AGBL1: variants seen among roughly 807,000 people sequenced by gnomAD.
The protein encoded by AGBL1 is AGBL carboxypeptidase 1.
A neutral mutation model predicts 118.9 loss-of-function variants in AGBL1; 130 were observed. That is an observed-to-expected ratio of 1.09 (90% CI 0.95 to 1.26). AGBL1 has a LOEUF of 1.26. Ranked by LOEUF, AGBL1 falls within the 50% of genes most tolerant of loss-of-function variation. AGBL1 has a pLI of 0.00. For missense variants in AGBL1, 1,584 were observed against 1,298.1 expected, an observed-to-expected ratio of 1.22 and a Z score of -3.38; for synonymous variants, 555 against 478.9, an observed-to-expected ratio of 1.16 and a Z score of -2.08.
At chr15:86,585,516 G>A (rs768790555) in intron 21 of AGBL1, among the ~76,000 whole-genome samples, 10 of 151,990 alleles carry the variant, frequency 6.6e-5, no homozygotes, top group Non-Finnish European at 1.3e-4. Context: ...TGTGTGCCAC[G>A]ATGCCCAGCT....
intron 17 of AGBL1, chr15:86,316,686 G>A (rs2080017252): frequency 6.6e-6 from 1 of 152,214 alleles, no homozygotes; most frequent in African/African-American, 2.4e-5. Context: ...GGGAAAAATG[G>A]GTCAGAGGGT....
chr15:86,344,980 A>G (rs1908792), intron 17 of AGBL1, among the ~76,000 whole-genome samples: 115,096 of 152,004 alleles, frequency 0.76, 44,288 homozygotes, highest in Non-Finnish European at 0.79. Flanking sequence ...TAATTTTCCT[A>G]CAATTAATTA....
rs114663011 is a variant in AGBL1, at chr15:86,787,864, T to A, written c.3158+113428T>A. 9.0e-3 allele frequency among the ~76,000 whole-genome samples: 1,365 copies of A among 152,344 alleles called. 22 individuals carry two copies. Among genetic ancestry groups the A allele is most frequent in the African/African-American group, 0.031 (1,289 of 41,574 alleles). ...GTTTTATCAATACTTACATCTTTTT[T>A]TTCTTCTTTGAATTTTTGATTTTTT... is the stretch of plus-strand genomic sequence containing the variant. On this transcript the variant is annotated intron_variant, in intron 22 of 22. Coordinates refer to ENST00000614907, the MANE Select transcript of AGBL1 (RefSeq NM_001386094.1).
intron 18 of AGBL1, among the ~76,000 whole-genome samples, chr15:86,453,172 G>C (rs1030380488): frequency 7.2e-5 from 11 of 152,162 alleles, no homozygotes; most frequent in Non-Finnish European, 1.6e-4. Flanking sequence ...GTACACAGTA[G>C]GCACTCAATT....
chr15:86,293,437 A>C (rs1054324192), intron 16 of AGBL1, among the ~76,000 whole-genome samples: 22 of 152,168 alleles, frequency 1.4e-4, no homozygotes, highest in Admixed American at 2.6e-4. Flanking sequence ...CTTCAAAGCC[A>C]GCAAGGGAAG....
intron 22 of AGBL1, among the ~76,000 whole-genome samples, chr15:86,776,267 CT>C (rs772278450): frequency 6.6e-6 from 1 of 152,092 alleles, no homozygotes; most frequent in Non-Finnish European, 1.5e-5. Context: ...TATAAAAGTT[CT>C]CTATGTCAGC....
chr15:86,257,002 A>C lies in AGBL1; in HGVS notation c.885A>C (p.Pro295=), dbSNP rs2078907166. ...CCGGGTGCATCACCACTGAACCTCC[A>C]CATGATCTACCTGAAGGTAAAATAA... ...PVPGCITTEP[P]HDLPEEDFED... is the part of the protein sequence containing the mutation. Residue 295 remains proline (P), a synonymous_variant, in exon 8 of 23, where the codon CCA becomes CCC. Transcript: ENST00000614907. The C allele has an allele frequency of 6.2e-7, 1 of 1,613,738 alleles. No homozygotes were observed.
chr15:86,835,748 A>G (rs1455068177), intron 22 of AGBL1, among the ~76,000 whole-genome samples: 1 of 152,180 alleles, frequency 6.6e-6, no homozygotes, highest in Admixed American at 6.5e-5. Flanking sequence ...ATAAACGACT[A>G]TAGTAGGAGA....
At chr15:86,952,601 A>T (rs1248678879) in intron 23 of AGBL1, among the ~76,000 whole-genome samples, 1 of 152,108 alleles carries the variant, frequency 6.6e-6, no homozygotes. Flanking sequence ...TCAGATGCAT[A>T]GTTTTTGAAA....
intron 22 of AGBL1, among the ~76,000 whole-genome samples, chr15:86,887,153 TAAG>T (rs963059181): frequency 1.3e-5 from 2 of 152,142 alleles, no homozygotes; most frequent in South Asian, 2.1e-4. Flanking sequence ...ATAGAAATAA[TAAG>T]GTACATATAT....
chr15:86,290,161 A>G (rs1274975913), intron 16 of AGBL1, among the ~76,000 whole-genome samples: 2 of 152,134 alleles, frequency 1.3e-5, no homozygotes, highest in South Asian at 2.1e-4. Context: ...TCAAAATTTG[A>G]TAATGTGTAC....
chr15:86,855,657 G>T (rs1479602778), intron 22 of AGBL1, among the ~76,000 whole-genome samples: 1 of 152,184 alleles, frequency 6.6e-6, no homozygotes, highest in Non-Finnish European at 1.5e-5. Flanking sequence ...TTAGTTACTA[G>T]GCTGCATTTA....
At chr15:86,891,861 A>G (rs997199651) in intron 22 of AGBL1, among the ~76,000 whole-genome samples, 5 of 152,178 alleles carry the variant, frequency 3.3e-5, no homozygotes, top group Non-Finnish European at 7.3e-5. Context: ...GAATGAGCAA[A>G]TGAATGTGGT....
At chr15:86,514,144 A>G (rs1370957553) in intron 18 of AGBL1, among the ~76,000 whole-genome samples, 1 of 150,720 alleles carries the variant, frequency 6.6e-6, no homozygotes, top group Non-Finnish European at 1.5e-5. Context: ...AAACACACAC[A>G]CACACACACA....
chr15:86,602,022 A>C (rs969863137), intron 21 of AGBL1, among the ~76,000 whole-genome samples: 2 of 152,084 alleles, frequency 1.3e-5, no homozygotes, highest in African/African-American at 4.8e-5. Flanking sequence ...ACTGTATCTT[A>C]ATTGTTCTCT....
intron 21 of AGBL1, among the ~76,000 whole-genome samples, chr15:86,673,060 G>T (rs1447751154): frequency 6.6e-6 from 1 of 151,962 alleles, no homozygotes; most frequent in African/African-American, 2.4e-5. Context: ...ATTATTATTT[G>T]GATGTGAAAA....
intron 17 of AGBL1, among the ~76,000 whole-genome samples, chr15:86,315,846 G>C (rs1297647871): frequency 6.6e-6 from 1 of 151,908 alleles, no homozygotes; most frequent in Non-Finnish European, 1.5e-5. Flanking sequence ...TAACTCCAAA[G>C]TGGCACTGGT....
intron 18 of AGBL1, among the ~76,000 whole-genome samples, chr15:86,433,897 T>C (rs749758885): frequency 2.0e-5 from 3 of 152,212 alleles, no homozygotes; most frequent in Non-Finnish European, 4.4e-5. Context: ...TGTGGCCTTT[T>C]CCTCTAAGAG....
intron 21 of AGBL1, among the ~76,000 whole-genome samples, chr15:86,664,339 T>G (rs1020468578): frequency 2.6e-5 from 4 of 152,192 alleles, no homozygotes; most frequent in African/African-American, 9.6e-5. Context: ...GCCCTCATGC[T>G]TTCTTCTCTG....
Sources: allele counts gnomAD v4.1 joint callset (sites outside exome capture counted in the v4.1 genomes callset), GRCh38; gene constraint gnomAD v4.1.1; transcripts MANE v1.5; gene names NCBI Gene and HGNC (gene_info 2026-07-23, HGNC 2026-07-21).